ERC2: variants seen among roughly 807,000 people sequenced by gnomAD.
ERC2 encodes the protein ELKS/RAB6-interacting/CAST family member 2.
Under a neutral mutation model 114.8 loss-of-function variants are expected in ERC2, and 42 were observed. That is an observed-to-expected ratio of 0.37 (90% CI 0.29 to 0.47). The LOEUF (loss-of-function observed/expected upper bound fraction) is 0.47, where lower values mean the gene tolerates loss of function less well. Among genes scored for constraint, ERC2 ranks in the 20% least tolerant of loss-of-function variants. The pLI is 0.99. For missense variants in ERC2, 939 were observed against 1,150.7 expected, an observed-to-expected ratio of 0.82 and a Z score of 2.66; for synonymous variants, 454 against 425.5, an observed-to-expected ratio of 1.07 and a Z score of -0.82.
chr3:56,379,907 G>C (rs2059683328), intron 2 of ERC2, among the ~76,000 whole-genome samples: 1 of 152,082 alleles, frequency 6.6e-6, no homozygotes. Flanking sequence ...AACATATTTG[G>C]AGCCTTTGCT....
In ERC2 at chr3:55,614,011, A is replaced by G. The variant is rs866910625; in HGVS notation, c.*39+69783T>C. On this transcript the variant is annotated intron_variant, in intron 17 of 17. Transcript: ENST00000288221. ...AAAAAAAAAAAAAAAAAAAAAAAAA[A>G]AAGAAGACATGGCTGGGCTACTTTT... is the stretch of plus-strand genomic sequence containing the variant. Among the ~76,000 whole-genome samples the G allele has an allele frequency of 6.3e-3, 793 of 126,344 alleles. 9 individuals are homozygous for G. Among genetic ancestry groups the G allele is most frequent in the African/African-American group, 0.021 (740 of 35,256 alleles). 82.9% of individuals were successfully genotyped at this position (126,344 alleles called of 152,430 possible).
At chr3:56,020,035 G>T (rs1175903482) in intron 7 of ERC2, among the ~76,000 whole-genome samples, 2 of 152,126 alleles carry the variant, frequency 1.3e-5, no homozygotes, top group Non-Finnish European at 2.9e-5. Flanking sequence ...GATTCCCTTA[G>T]CATGTATCTG....
chr3:55,922,618 G>A (rs140940049), intron 13 of ERC2, among the ~76,000 whole-genome samples: 6 of 152,060 alleles, frequency 3.9e-5, no homozygotes, highest in African/African-American at 1.4e-4. Context: ...AGATGTTCCT[G>A]GCTTGTAATT....
chr3:55,773,626 C>T (rs746026749), intron 14 of ERC2, among the ~76,000 whole-genome samples: 4 of 152,206 alleles, frequency 2.6e-5, no homozygotes, highest in Non-Finnish European at 4.4e-5. Context: ...ATGTTGGTTT[C>T]GTTCCCACCA....
At chr3:56,341,673 C>G (rs1399997064) in intron 2 of ERC2, among the ~76,000 whole-genome samples, 1 of 152,166 alleles carries the variant, frequency 6.6e-6, no homozygotes, top group Non-Finnish European at 1.5e-5. Flanking sequence ...TATCATCCCA[C>G]TGTGCCCAGA....
intron 2 of ERC2, among the ~76,000 whole-genome samples, chr3:56,404,370 T>C (rs1189705087): frequency 6.6e-6 from 1 of 152,194 alleles, no homozygotes; most frequent in African/African-American, 2.4e-5. Flanking sequence ...ATATTAATTA[T>C]TCAGTGTGGA....
intron 6 of ERC2, among the ~76,000 whole-genome samples, chr3:56,122,384 AG>A (rs1298589146): frequency 1.3e-5 from 2 of 152,208 alleles, no homozygotes; most frequent in Non-Finnish European, 2.9e-5. Context: ...CCCCTGGAGA[AG>A]GGGTGCAACT....
chr3:55,917,464 T>C (rs2065163667), intron 13 of ERC2, among the ~76,000 whole-genome samples: 1 of 152,114 alleles, frequency 6.6e-6, no homozygotes, highest in Non-Finnish European at 1.5e-5. Flanking sequence ...TTGAAAACAT[T>C]ATCCTAAGAA....
At chr3:55,961,557 A>C (rs1430206837) in intron 12 of ERC2, among the ~76,000 whole-genome samples, 2 of 152,072 alleles carry the variant, frequency 1.3e-5, no homozygotes, top group African/African-American at 4.8e-5. Flanking sequence ...TCTTCTCTAC[A>C]CTAAGGGTCT....
intron 17 of ERC2, among the ~76,000 whole-genome samples, chr3:55,529,235 G>C (rs1265095109): frequency 6.6e-6 from 1 of 152,120 alleles, no homozygotes; most frequent in Non-Finnish European, 1.5e-5. Context: ...ATTATTGAAA[G>C]TTGAAGGAAA....
At chr3:56,177,267 C>T (rs2083028895) in intron 3 of ERC2, among the ~76,000 whole-genome samples, 1 of 152,124 alleles carries the variant, frequency 6.6e-6, no homozygotes, top group African/African-American at 2.4e-5. Context: ...CGTGTGATTG[C>T]TTGCCAAATT....
chr3:56,331,836 C>T lies in ERC2; in HGVS notation c.658-35401G>A, dbSNP rs572586169. On this transcript the variant is annotated intron_variant, in intron 2 of 17. Coordinates refer to ENST00000288221, the MANE Select transcript of ERC2 (RefSeq NM_015576.3). ...GGTCCATGACCTCCTCACTCTCCCC[C>T]GTCACCAAGGCTTGCCTTTTGGATC... 1.1e-4 allele frequency among the ~76,000 whole-genome samples: 16 copies of T among 152,312 alleles called. No individual in the cohort carries two copies. In the South Asian group the frequency reaches 2.7e-3, roughly 26 times the overall value.
At chr3:55,958,276 G>A (rs1028278003) in intron 12 of ERC2, among the ~76,000 whole-genome samples, 4 of 152,212 alleles carry the variant, frequency 2.6e-5, no homozygotes, top group Non-Finnish European at 5.9e-5. Context: ...GAAGCAGGTA[G>A]CTCCTTCCCA....
intron 2 of ERC2, among the ~76,000 whole-genome samples, chr3:56,358,975 T>G (rs762869517): frequency 6.6e-6 from 1 of 152,192 alleles, no homozygotes; most frequent in Non-Finnish European, 1.5e-5. Flanking sequence ...AGCAATAAAA[T>G]TGCAGAGCAA....
At chr3:56,152,420 G>A (rs977923856) in intron 4 of ERC2, among the ~76,000 whole-genome samples, 5 of 132,146 alleles carry the variant, frequency 3.8e-5, no homozygotes, top group Non-Finnish European at 8.2e-5. Flanking sequence ...AAAATGAAGG[G>A]GGGGGGGCGC....
rs1304735086 is a variant in ERC2, at chr3:56,347,443, T to TCC, written c.658-51010_658-51009dup. ...GGAGGAGGAAGGCTTGGCCCGTTCC[T>TCC]CCCTGTCTGATTCCTATTGGCTTCC... On this transcript the variant is annotated intron_variant, in intron 2 of 17. Coordinates refer to ENST00000288221, the MANE Select transcript of ERC2 (RefSeq NM_015576.3). Among the ~76,000 whole-genome samples, 30 of 151,914 alleles carry TCC rather than the reference T, an allele frequency of 2.0e-4. 1 individual carries two copies. Among genetic ancestry groups the TCC allele is most frequent in the Admixed American group, 2.0e-3 (30 of 15,252 alleles).
At chr3:55,750,922 G>A (rs1287940280) in intron 14 of ERC2, among the ~76,000 whole-genome samples, 2 of 152,172 alleles carry the variant, frequency 1.3e-5, no homozygotes, top group Non-Finnish European at 2.9e-5. Flanking sequence ...CCTTTCTAAT[G>A]TTTGGAATTA....
chr3:55,665,808 A>AACT (rs2061336396), intron 17 of ERC2, among the ~76,000 whole-genome samples: 1 of 152,202 alleles, frequency 6.6e-6, no homozygotes, highest in Non-Finnish European at 1.5e-5. Flanking sequence ...GAACTGGGCA[A>AACT]GGGTTCACTG....
At position 56,315,256 on chromosome 3, in the gene ERC2, A is replaced by T. The variant is rs555507134; in HGVS notation, c.658-18821T>A. On this transcript the variant is annotated intron_variant, in intron 2 of 17. Coordinates refer to ENST00000288221, the MANE Select transcript of ERC2 (RefSeq NM_015576.3). ...AGGACTTTAAAAAGGGTTTAGAGAAATTTTTTTTCCTAAAAATCTATGTGA... is the reference window on the plus strand; with the variant it reads ...AGGACTTTAAAAAGGGTTTAGAGAATTTTTTTTTCCTAAAAATCTATGTGA... 3.8e-3 allele frequency among the ~76,000 whole-genome samples: 581 copies of T among 152,134 alleles called. 5 individuals are homozygous for T. The highest frequency in any genetic ancestry group is 0.013 in the African/African-American group (553 of 41,478).
Sources: gnomAD v4.1 joint callset for allele counts (sites outside exome capture counted in the v4.1 genomes callset) on GRCh38, gnomAD v4.1.1 for gene constraint, MANE v1.5 for transcripts, NCBI Gene and HGNC (gene_info 2026-07-23, HGNC 2026-07-21) for gene names.